NHSL1: variants seen among roughly 807,000 people sequenced by gnomAD.
The protein encoded by NHSL1 is NHS like 1.
NHSL1 carries 48 observed loss-of-function variants against 95.0 expected under a neutral mutation model. The ratio of observed to expected loss-of-function variants is 0.51; its 90% confidence interval spans 0.40 to 0.64. The LOEUF (loss-of-function observed/expected upper bound fraction) is 0.64, where lower values mean the gene tolerates loss of function less well. NHSL1 is among the 30% of genes least tolerant of loss of function. NHSL1 has a pLI of 0.00. For synonymous variants in NHSL1, 783 were observed against 833.9 expected (o/e 0.94, Z 1.05); for missense variants, 1,971 against 2,077.7 (o/e 0.95, Z 1.00).
intron 1 of NHSL1, among the ~76,000 whole-genome samples, chr6:138,564,344 C>T (rs1783526252): frequency 6.6e-6 from 1 of 152,128 alleles, no homozygotes; most frequent in Non-Finnish European, 1.5e-5. Flanking sequence ...CCCTTTGATC[C>T]ATCACTGTTT....
chr6:138,637,905 T>G (rs1784907746), intron 1 of NHSL1, among the ~76,000 whole-genome samples: 1 of 152,202 alleles, frequency 6.6e-6, no homozygotes, highest in African/African-American at 2.4e-5. Context: ...AAAATCTGTT[T>G]GTCAAAGAGA....
chr6:138,457,065 G>A (rs981207446), intron 3 of NHSL1, among the ~76,000 whole-genome samples: 1 of 152,014 alleles, frequency 6.6e-6, no homozygotes, highest in African/African-American at 2.4e-5. Context: ...ATTTTCAGTA[G>A]AGACAGGGTT....
intron 1 of NHSL1, among the ~76,000 whole-genome samples, chr6:138,649,292 C>T (rs991273224): frequency 6.6e-6 from 1 of 152,054 alleles, no homozygotes; most frequent in Non-Finnish European, 1.5e-5. Context: ...TACTCTCATT[C>T]CGTATACCCT....
Position 138,642,743 on chromosome 6 carries a change from G to A in NHSL1, c.96+49733C>T, listed in dbSNP as rs886515465. Among the ~76,000 whole-genome samples the A allele has an allele frequency of 1.5e-4, 23 of 152,230 alleles. No homozygotes were observed. The East Asian group carries it at 2.7e-3, about 18-fold the overall frequency. The stretch of plus-strand genomic sequence containing the variant: ...AGACTAGAACAGCAGTGAAGAGGGC[G>A]AGCAGCAGAGGGAGGTGGTAATTAG... On this transcript the variant is annotated intron_variant, in intron 1 of 3. Transcript: ENST00000491526.
Position 138,424,200 on chromosome 6 carries a change from C to T in NHSL1, c.4702G>A (p.Gly1568Arg), listed in dbSNP as rs990247142. The T allele has an allele frequency of 4.7e-6, 7 of 1,494,820 alleles. No homozygotes were observed. Among genetic ancestry groups the T allele is most frequent in the Non-Finnish European group, 6.2e-6 (7 of 1,125,090 alleles). The allele number at this position is 1,494,820 out of a possible 1,614,324, so 92.6% of individuals were successfully genotyped here. Residue 1568 changes from glycine to arginine, a missense_variant, in exon 8 of 8, where the codon GGG becomes AGG. This residue lies in a region of NHSL1 where 223 missense variants were observed against 217.0 expected (regional missense o/e 1.03). Coordinates refer to ENST00000343505, the MANE Select transcript of NHSL1 (RefSeq NM_001144060.2). The surrounding 1 kb of genome is among the most constrained non-coding windows in gnomAD (Gnocchi z 5.9). ...EEMDEGGLLCGEGPAASLQPQ... is the reference protein window; with the variant it reads ...EEMDEGGLLCREGPAASLQPQ... The stretch of plus-strand genomic sequence containing the variant: ...TGCAGGGAGGCGGCAGGCCCCTCCC[C>T]ACAGAGCAGGCCGCCCTCGTCCATC...
chr6:138,573,400 T>A (rs1372200007), upstream of NHSL1, among the ~76,000 whole-genome samples: 1 of 152,226 alleles, frequency 6.6e-6, no homozygotes, highest in Admixed American at 6.5e-5. Context: ...ACTAGGTCTG[T>A]AGCACTTTGC....
chr6:138,477,732 CTG>C (rs1779164014), intron 2 of NHSL1, among the ~76,000 whole-genome samples: 2 of 152,226 alleles, frequency 1.3e-5, no homozygotes, highest in South Asian at 4.1e-4. Flanking sequence ...CCAAGGAAGA[CTG>C]TGTTTCAAAA....
At chr6:138,587,669 A>G (rs546265743) in intron 1 of NHSL1, among the ~76,000 whole-genome samples, 6 of 152,232 alleles carry the variant, frequency 3.9e-5, no homozygotes, top group Non-Finnish European at 7.3e-5. Flanking sequence ...AAAGACAAAG[A>G]AAATGAAGAA....
At chr6:138,490,832 C>T (rs904468549) in intron 2 of NHSL1, among the ~76,000 whole-genome samples, 1 of 152,110 alleles carries the variant, frequency 6.6e-6, no homozygotes, top group Admixed American at 6.5e-5. Flanking sequence ...CGGGGTTTCA[C>T]CATGTTGGCC....
chr6:138,587,503 CAAAA>C (rs35723995), intron 1 of NHSL1, among the ~76,000 whole-genome samples: 301 of 59,900 alleles, frequency 5.0e-3, no homozygotes, highest in Middle Eastern at 0.012. Context: ...AAAACTCTGT[CAAAA>C]AAAAAAAAAA....
chr6:138,515,397 C>A (rs1405959361), intron 1 of NHSL1, among the ~76,000 whole-genome samples: 1 of 152,200 alleles, frequency 6.6e-6, no homozygotes, highest in Non-Finnish European at 1.5e-5. Flanking sequence ...ATACTCTAGG[C>A]ACCAGAGACA....
intron 1 of NHSL1, among the ~76,000 whole-genome samples, chr6:138,584,291 T>TATTCAATC (rs11275547): frequency 6.6e-6 from 1 of 151,982 alleles, no homozygotes; most frequent in Admixed American, 6.6e-5. Flanking sequence ...TTGATCTCTA[T>TATTCAATC]TGCAAATTTG....
At chr6:138,466,541 T>C (rs1217460105) in intron 3 of NHSL1, among the ~76,000 whole-genome samples, 1 of 152,240 alleles carries the variant, frequency 6.6e-6, no homozygotes, top group Non-Finnish European at 1.5e-5. Context: ...CAGTTTATTT[T>C]ACTCGAGCAT....
intron 1 of NHSL1, among the ~76,000 whole-genome samples, chr6:138,594,528 T>C (rs1454450336): frequency 2.0e-5 from 3 of 152,146 alleles, no homozygotes. Context: ...TGACCATGGC[T>C]GTACATCAGA....
At chr6:138,489,971 A>G (rs1583291464) in intron 2 of NHSL1, among the ~76,000 whole-genome samples, 1 of 74,776 alleles carries the variant, frequency 1.3e-5, no homozygotes, top group Non-Finnish European at 2.5e-5. Flanking sequence ...GGAGAGGGGG[A>G]GAGGGGGAGA....
chr6:138,484,851 C>T (rs1321775664), intron 2 of NHSL1, among the ~76,000 whole-genome samples: 1 of 152,138 alleles, frequency 6.6e-6, no homozygotes, highest in Non-Finnish European at 1.5e-5. Context: ...CATTGCACAC[C>T]ATGGCAAGAA....
At chr6:138,527,513 T>C (rs534628276) in intron 1 of NHSL1, among the ~76,000 whole-genome samples, 189 of 152,286 alleles carry the variant, frequency 1.2e-3, no homozygotes, top group African/African-American at 4.4e-3. Context: ...GCTGAATTTA[T>C]AGCTCAAGAT....
intron 1 of NHSL1, among the ~76,000 whole-genome samples, chr6:138,527,317 C>G (rs570443375): frequency 6.6e-6 from 1 of 151,944 alleles, no homozygotes; most frequent in Non-Finnish European, 1.5e-5. Flanking sequence ...GAGGATCGCT[C>G]TGAGTTTGCT....
chr6:138,526,895 A>T (rs78458622), intron 1 of NHSL1, among the ~76,000 whole-genome samples: 3,376 of 152,300 alleles, frequency 0.022, 104 homozygotes, highest in African/African-American at 0.078. Flanking sequence ...ATACATCGTC[A>T]GAAATTGAAC....
Sources: gnomAD v4.1 joint callset for allele counts (sites outside exome capture counted in the v4.1 genomes callset) on GRCh38, gnomAD v4.1.1 for gene constraint, gnomAD v4.1.1 regional missense constraint, Gnocchi (gnomAD v3.1) non-coding constraint, MANE v1.5 for transcripts, NCBI Gene and HGNC (gene_info 2026-07-23, HGNC 2026-07-21) for gene names.